RFX3: variants seen among roughly 807,000 people sequenced by gnomAD.
RFX3 encodes regulatory factor X3.
A neutral mutation model predicts 98.6 loss-of-function variants in RFX3; 14 were observed. The ratio of observed to expected loss-of-function variants is 0.14; its 90% CI spans 0.09 to 0.22. The LOEUF is 0.22. RFX3 is among the 10% of genes least tolerant of loss of function. RFX3 has a pLI of 1.00. For missense variants in RFX3, 639 were observed against 926.9 expected (o/e 0.69, Z 4.03); for synonymous variants, 383 against 328.4 (o/e 1.17, Z -1.80).
intron 2 of RFX3, among the ~76,000 whole-genome samples, chr9:3,373,698 G>A (rs1050003770): frequency 6.6e-6 from 1 of 152,112 alleles, no homozygotes; most frequent in Non-Finnish European, 1.5e-5. Context: ...AGACCTGTTT[G>A]CCAAAAGCAG....
intron 1 of RFX3, among the ~76,000 whole-genome samples, chr9:3,503,900 A>C (rs1250177264): frequency 6.6e-6 from 1 of 151,762 alleles, no homozygotes; most frequent in African/African-American, 2.4e-5. Flanking sequence ...ATAACCAACC[A>C]AATTAGCAGT....
chr9:3,292,936 T>C (rs1827573639), intron 6 of RFX3, 141 bp downstream of exon 6: 1 of 584,946 alleles, frequency 1.7e-6, no homozygotes, highest in African/African-American at 1.9e-5. Flanking sequence ...TTCCTTTTCC[T>C]GGGGATGTTA....
intron 1 of RFX3, among the ~76,000 whole-genome samples, chr9:3,441,465 AC>A (rs770153052): frequency 2.4e-4 from 36 of 152,258 alleles, no homozygotes; most frequent in Middle Eastern, 3.4e-3. Context: ...AGCTCTAAAA[AC>A]AAGAACCAAG....
At chr9:3,281,650 G>A (rs1346465958) in intron 7 of RFX3, among the ~76,000 whole-genome samples, 1 of 151,720 alleles carries the variant, frequency 6.6e-6, no homozygotes, top group Non-Finnish European at 1.5e-5. Flanking sequence ...AGTTGTTAAT[G>A]ATTAAGAAAT....
At chr9:3,394,192 A>C (rs540010444) in intron 2 of RFX3, among the ~76,000 whole-genome samples, 10 of 152,144 alleles carry the variant, frequency 6.6e-5, no homozygotes. Context: ...GGCCGGGCAC[A>C]GTAGCTCATG....
chr9:3,266,506 G>A (rs1823651401), intron 11 of RFX3, among the ~76,000 whole-genome samples: 1 of 151,690 alleles, frequency 6.6e-6, no homozygotes, highest in African/African-American at 2.4e-5. Context: ...TTCTTTTAAA[G>A]TTATTTTGTT....
At chr9:3,433,303 T>C (rs1402248830) in intron 1 of RFX3, among the ~76,000 whole-genome samples, 1 of 152,110 alleles carries the variant, frequency 6.6e-6, no homozygotes, top group Non-Finnish European at 1.5e-5. Context: ...ACCCCTACTC[T>C]TCCTCCTTCT....
At chr9:3,266,841 T>C (rs1783710850) in intron 11 of RFX3, among the ~76,000 whole-genome samples, 1 of 152,050 alleles carries the variant, frequency 6.6e-6, no homozygotes, top group African/African-American at 2.4e-5. Context: ...AAAATTAAAA[T>C]TGTCTGAATT....
At chr9:3,310,370 G>A (rs1484238458) in intron 4 of RFX3, among the ~76,000 whole-genome samples, 7 of 152,108 alleles carry the variant, frequency 4.6e-5, no homozygotes, top group Admixed American at 1.3e-4. Context: ...AAGGCAGGAA[G>A]AAAAAGAACA....
rs1302845231 is a variant in RFX3, at chr9:3,414,848, GTA to G, written c.-8-19254_-8-19253del. Among the ~76,000 whole-genome samples, 244 of 70,946 alleles carry G rather than the reference GTA, an allele frequency of 3.4e-3. 5 individuals carry two copies. The highest frequency in any genetic ancestry group is 9.7e-3 in the African/African-American group (239 of 24,578). The allele number at this position is 70,946 out of a possible 152,430, so 46.5% of individuals were successfully genotyped here. ...TATATGTATATATGAGTATATATAA[GTA>G]TATATGAGTATATATGTATATATAT... On this transcript the variant is annotated intron_variant, in intron 1 of 16. Transcript: ENST00000617270.
rs146029530 is a variant in RFX3 at position 3,270,229 on chromosome 9, G to A, written c.1357+142C>T. Reference sequence around the variant, plus strand: ...CAGTTTTGCTCTAGGCTGCTTTCACGCAATATTCTGTGTTGCATGTTTTCT... The same window carrying A: ...CAGTTTTGCTCTAGGCTGCTTTCACACAATATTCTGTGTTGCATGTTTTCT... On this transcript the variant is annotated intron_variant, in intron 11 of 16. Coordinates refer to ENST00000617270, the MANE Select transcript of RFX3 (RefSeq NM_001282116.2). The A allele has an allele frequency of 6.8e-3, 4,916 of 721,670 alleles. 33 individuals carry two copies. Among genetic ancestry groups the A allele is most frequent in the Non-Finnish European group, 9.3e-3 (4,343 of 466,700 alleles). The allele number at this position is 721,670 out of a possible 1,614,324, so 44.7% of individuals were successfully genotyped here.
chr9:3,282,507 G>C (rs1826037818), intron 7 of RFX3, among the ~76,000 whole-genome samples: 1 of 151,742 alleles, frequency 6.6e-6, no homozygotes, highest in African/African-American at 2.4e-5. Flanking sequence ...GAAAATCAGA[G>C]TTGTGGGTCA....
chr9:3,303,382 A>T (rs1828895898), intron 4 of RFX3, among the ~76,000 whole-genome samples: 1 of 151,920 alleles, frequency 6.6e-6, no homozygotes, highest in Admixed American at 6.6e-5. Context: ...ATATGACTAC[A>T]ATTCACTTAT....
chr9:3,487,799 T>G (rs1276191709), intron 1 of RFX3, among the ~76,000 whole-genome samples: 1 of 152,104 alleles, frequency 6.6e-6, no homozygotes, highest in Non-Finnish European at 1.5e-5. Context: ...AAAATATGAT[T>G]TAAAAATTAT....
Position 3,466,440 on chromosome 9 carries a change from T to C in RFX3, c.-9+59307A>G, listed in dbSNP as rs150291008. Among the ~76,000 whole-genome samples the C allele has an allele frequency of 1.8e-3, 280 of 152,252 alleles. 1 individual carries two copies. Among genetic ancestry groups the C allele is most frequent in the African/African-American group, 6.3e-3 (261 of 41,566 alleles). ...CAATAAAAGCAATGTTTTAGTCAAA[T>C]GCATATGGCTAGGTTGTACGGGCTG... On this transcript the variant is annotated intron_variant, in intron 1 of 16. Transcript: ENST00000617270.
At chr9:3,297,161 G>C (rs555231600) in intron 5 of RFX3, among the ~76,000 whole-genome samples, 2 of 152,088 alleles carry the variant, frequency 1.3e-5, no homozygotes, top group South Asian at 4.1e-4. Flanking sequence ...TTAATACAAT[G>C]TATTTGGACA....
chr9:3,251,757 T>C (rs1821434652), intron 14 of RFX3, among the ~76,000 whole-genome samples: 1 of 152,220 alleles, frequency 6.6e-6, no homozygotes, highest in Non-Finnish European at 1.5e-5. Flanking sequence ...TGAATGTTAA[T>C]AAATCTTTTC....
intron 1 of RFX3, among the ~76,000 whole-genome samples, chr9:3,492,138 G>A (rs1033283738): frequency 2.0e-5 from 3 of 152,142 alleles, no homozygotes; most frequent in Admixed American, 6.5e-5. Context: ...AGGTGCTGGA[G>A]GATATAACGG....
At chr9:3,355,961 C>A (rs937955458) in intron 2 of RFX3, among the ~76,000 whole-genome samples, 1 of 151,604 alleles carries the variant, frequency 6.6e-6, no homozygotes, top group African/African-American at 2.4e-5. Context: ...GAAGAAATCA[C>A]AAGGGAAATT....
Sources: allele counts gnomAD v4.1 joint callset (sites outside exome capture counted in the v4.1 genomes callset), GRCh38; gene constraint gnomAD v4.1.1; transcripts MANE v1.5; gene names NCBI Gene and HGNC (gene_info 2026-07-23, HGNC 2026-07-21).